The following B9D1 variants were observed in gnomAD, a reference collection of about 807,000 sequenced individuals.
The protein encoded by B9D1 is B9 domain containing 1, also known as B9 domain-containing protein 1.
In B9D1, 20 loss-of-function variants were observed where a neutral mutation model predicts 26.1. That is an observed-to-expected ratio of 0.77 (90% CI 0.54 to 1.12). The LOEUF (loss-of-function observed/expected upper bound fraction) is 1.12, where lower values mean the gene tolerates loss of function less well. B9D1 is among the 50% of genes most tolerant of loss of function. The probability of loss-of-function intolerance (pLI) is 0.00; values close to 1 mark genes in which losing one functional copy is unlikely to be tolerated. For missense variants in B9D1, 260 were observed against 273.7 expected, an observed-to-expected ratio of 0.95 and a Z score of 0.35; for synonymous variants, 105 against 103.1, an observed-to-expected ratio of 1.02 and a Z score of -0.11.
At chr17:19,355,021 C>CAT (rs1910143864) in intron 3 of B9D1, among the ~76,000 whole-genome samples, 1 of 152,022 alleles carries the variant, frequency 6.6e-6, no homozygotes, top group Non-Finnish European at 1.5e-5. Context: ...CCAGCTTGTC[C>CAT]TCTCCCCCTC....
intron 1 of B9D1, among the ~76,000 whole-genome samples, chr17:19,373,400 T>G (rs563103870): frequency 1.0e-3 from 159 of 151,994 alleles, no homozygotes; most frequent in African/African-American, 3.6e-3. Flanking sequence ...TTTTTACTTT[T>G]TTTTTTTTTG....
At position 19,343,323 on chromosome 17, in the gene B9D1, T is replaced by TG; in HGVS notation, c.610dup (p.Gln204ProfsTer27). 1 of 1,614,118 alleles carries TG rather than the reference T, an allele frequency of 6.2e-7. No individual in the cohort carries two copies. The highest frequency in any genetic ancestry group is 8.5e-7 in the Non-Finnish European group (1 of 1,179,996). Reference sequence around the variant, plus strand: ...ACTGTGCAGCCTGTGGAGCCTTCACTGGGGGAAGCTCTGGGGTGGGCTGGG... The same window carrying TG: ...ACTGTGCAGCCTGTGGAGCCTTCACTGGGGGGAAGCTCTGGGGTGGGCTGGG... On this transcript the variant is annotated frameshift_variant, in exon 7 of 7. Transcript: ENST00000261499. LOFTEE classifies it high-confidence loss of function.
At chr17:19,366,851 C>T (rs1288928035), upstream of B9D1, among the ~76,000 whole-genome samples, 1 of 152,132 alleles carries the variant, frequency 6.6e-6, no homozygotes, top group Non-Finnish European at 1.5e-5. Context: ...CTCACCCTTC[C>T]CCTCAGGCTT....
At chr17:19,341,235 G>A, downstream of B9D1, 1 of 1,231,636 alleles carries the variant, frequency 8.1e-7, no homozygotes, top group East Asian at 3.2e-5. Context: ...CTTCAGGGAA[G>A]CTTCAGGTCC....
intron 3 of B9D1, among the ~76,000 whole-genome samples, chr17:19,350,677 A>C (rs1365890676): frequency 6.6e-6 from 1 of 152,128 alleles, no homozygotes; most frequent in Non-Finnish European, 1.5e-5. Context: ...AAATCTTTCA[A>C]CATTTCACCA....
chr17:19,369,609 G>C (rs550504324), intron 1 of B9D1, among the ~76,000 whole-genome samples: 1 of 152,078 alleles, frequency 6.6e-6, no homozygotes, highest in African/African-American at 2.4e-5. Flanking sequence ...GTGTGGGTGT[G>C]GGGGGAAAGC....
chr17:19,359,275 T>C lies in B9D1; in HGVS notation c.132+1045A>G, dbSNP rs1416354043. On this transcript the variant is annotated intron_variant, in intron 2 of 6. Coordinates refer to ENST00000261499, the MANE Select transcript of B9D1 (RefSeq NM_015681.6). The surrounding 1 kb of genome is among the most constrained non-coding windows in gnomAD (Gnocchi z 5.0). ...CCCTTTGAGTAAAGGTCACAGTCCTTACTCTGACAAGACCTGCCCAGGTGC... is the reference window on the plus strand; with the variant it reads ...CCCTTTGAGTAAAGGTCACAGTCCTCACTCTGACAAGACCTGCCCAGGTGC... 1.3e-5 allele frequency among the ~76,000 whole-genome samples: 2 copies of C among 152,198 alleles called. No individual in the cohort carries two copies. The highest frequency in any genetic ancestry group is 4.8e-5 in the African/African-American group (2 of 41,450).
At position 19,372,659 on chromosome 17, in the gene B9D1, C is replaced by T. The variant is rs1327545900; in HGVS notation, c.-298+5200G>A. 1.3e-5 allele frequency among the ~76,000 whole-genome samples: 2 copies of T among 152,212 alleles called. No individual in the cohort carries two copies. The highest frequency in any genetic ancestry group is 4.8e-5 in the African/African-American group (2 of 41,450). ...TTTCCCTCATCAGAGAAAGCTGGGACTTGTGCTCATGGCTCTGACCCCAGC... is the reference window on the plus strand; with the variant it reads ...TTTCCCTCATCAGAGAAAGCTGGGATTTGTGCTCATGGCTCTGACCCCAGC... On this transcript the variant is annotated intron_variant, in intron 1 of 5. Coordinates refer to the B9D1 transcript ENST00000477478. This position sits in a 1 kb window ranked among gnomAD's most constrained non-coding sequence, Gnocchi z 4.4.
intron 1 of B9D1, among the ~76,000 whole-genome samples, chr17:19,361,064 C>T (rs2152277046): frequency 6.6e-6 from 1 of 152,172 alleles, no homozygotes; most frequent in South Asian, 2.1e-4. Flanking sequence ...CTACTGTGAA[C>T]TGCACATGTG....
rs898045035 is a variant in B9D1, at chr17:19,370,726, A to G, written c.-298+7133T>C. ...TCTGGAGCCATCTGGCCGTGAGGTC[A>G]GCCACCCAGCCAGGCCTCTGGAAGC... On this transcript the variant is annotated intron_variant, in intron 1 of 5. Coordinates refer to the B9D1 transcript ENST00000477478. The surrounding 1 kb of genome is among the most constrained non-coding windows in gnomAD (Gnocchi z 5.1). 3.3e-5 allele frequency among the ~76,000 whole-genome samples: 5 copies of G among 152,196 alleles called. No individual in the cohort carries two copies. Among genetic ancestry groups the G allele is most frequent in the Non-Finnish European group, 7.3e-5 (5 of 68,028 alleles).
chr17:19,365,060 G>A (rs978183003), upstream of B9D1, among the ~76,000 whole-genome samples: 3 of 152,356 alleles, frequency 2.0e-5, no homozygotes, highest in Admixed American at 6.5e-5. The surrounding 1 kb of genome is among the most constrained non-coding windows in gnomAD (Gnocchi z 5.0). Context: ...TACTGAAATC[G>A]GGTTCAAACC....
At chr17:19,357,792 T>C in intron 3 of B9D1, 48 bp downstream of exon 3, 3 of 1,365,628 alleles carry the variant, frequency 2.2e-6, no homozygotes, top group Non-Finnish European at 3.1e-6. Context: ...TTGGGGGTGC[T>C]GTGTGAAAGC....
chr17:19,365,934 G>A (rs1911572101), upstream of B9D1, among the ~76,000 whole-genome samples: 1 of 151,830 alleles, frequency 6.6e-6, no homozygotes, highest in African/African-American at 2.4e-5. This position sits in a 1 kb window ranked among gnomAD's most constrained non-coding sequence, Gnocchi z 5.0. Flanking sequence ...TTCCTGGGGT[G>A]CTCCTGCTTT....
At position 19,343,190 on chromosome 17, in the gene B9D1, C is replaced by T; in HGVS notation, c.*129G>A. On this transcript the variant is annotated 3_prime_UTR_variant, in exon 7 of 7. Coordinates refer to ENST00000261499, the MANE Select transcript of B9D1 (RefSeq NM_015681.6). ...AGGCCTAGGCTCTCTGAAAATGAGACTTTATTATACAAAACTATTCTGTGT... is the reference window on the plus strand; with the variant it reads ...AGGCCTAGGCTCTCTGAAAATGAGATTTTATTATACAAAACTATTCTGTGT... 3 of 1,498,656 alleles carry T rather than the reference C, an allele frequency of 2.0e-6. No individual in the cohort carries two copies. In the South Asian group the frequency reaches 4.0e-5, roughly 20 times the overall value. The allele number at this position is 1,498,656 out of a possible 1,614,324, so 92.8% of individuals were successfully genotyped here. A position where few individuals can be genotyped will look rare whatever the true frequency, so the allele number is the denominator to read the frequency against.
intron 5 of B9D1, 28 bp from the exon 6 acceptor site, chr17:19,343,885 C>G: frequency 1.9e-6 from 3 of 1,613,406 alleles, no homozygotes; most frequent in Non-Finnish European, 2.5e-6. Context: ...CACAGGTGAG[C>G]AGGGCCCCAC....
rs750328943 is a variant in B9D1 at position 19,347,184 on chromosome 17, G to A, written c.404+85C>T. ...GAGCAGCTTGCAGATCTGAGGAGGC[G>A]ACCAGGCACAAACTGAGGGGTAGAA... On this transcript the variant is annotated intron_variant, in intron 5 of 6. Coordinates refer to ENST00000261499, the MANE Select transcript of B9D1 (RefSeq NM_015681.6). The surrounding 1 kb of genome is among the most constrained non-coding windows in gnomAD (Gnocchi z 4.3). 4.3e-6 allele frequency: 7 copies of A among 1,613,942 alleles called. No homozygotes were observed. Among genetic ancestry groups the A allele is most frequent in the African/African-American group, 2.7e-5 (2 of 75,046 alleles).
intron 5 of B9D1, 27 bp from the exon 6 acceptor site, chr17:19,343,884 G>T: frequency 1.2e-6 from 2 of 1,613,502 alleles, no homozygotes; most frequent in Non-Finnish European, 1.7e-6. Context: ...ACACAGGTGA[G>T]CAGGGCCCCA....
intron 1 of B9D1, among the ~76,000 whole-genome samples, chr17:19,375,578 A>C (rs1351393977): frequency 6.6e-6 from 1 of 152,118 alleles, no homozygotes; most frequent in African/African-American, 2.4e-5. Flanking sequence ...ACCATCTCTA[A>C]TAAAAATATA....
At position 19,362,635 on chromosome 17, in the gene B9D1, T is replaced by C. The variant is rs1435665212; in HGVS notation, c.-66A>G. On this transcript the variant is annotated 5_prime_UTR_variant, in exon 1 of 7. Coordinates refer to ENST00000261499, the MANE Select transcript of B9D1 (RefSeq NM_015681.6). ...CGCGGTTGCTAAGAGACGCCGGCGTTGCCCTAGAAACAGACGGCGTAGCGC... is the reference window on the plus strand; with the variant it reads ...CGCGGTTGCTAAGAGACGCCGGCGTCGCCCTAGAAACAGACGGCGTAGCGC... The C allele has an allele frequency of 1.9e-6, 3 of 1,559,772 alleles. No individual in the cohort carries two copies. Among genetic ancestry groups the C allele is most frequent in the South Asian group, 1.2e-5 (1 of 85,104 alleles).
Sources: gnomAD v4.1 joint callset for allele counts (sites outside exome capture counted in the v4.1 genomes callset) on GRCh38, gnomAD v4.1.1 for gene constraint, Gnocchi (gnomAD v3.1) non-coding constraint, MANE v1.5 for transcripts, NCBI Gene and HGNC (gene_info 2026-07-23, HGNC 2026-07-21) for gene names.